TSPEAR: variants seen among roughly 807,000 people sequenced by gnomAD.
TSPEAR encodes thrombospondin type laminin G domain and EAR repeats.
Under a neutral mutation model 71.6 loss-of-function variants are expected in TSPEAR, and 69 were observed. The ratio of observed to expected loss-of-function variants is 0.96; its 90% confidence interval spans 0.79 to 1.18. The LOEUF (loss-of-function observed/expected upper bound fraction) is 1.18, where lower values mean the gene tolerates loss of function less well. TSPEAR is among the 50% of genes most tolerant of loss of function. The pLI is 0.00. For missense variants in TSPEAR, 971 were observed against 894.9 expected (o/e 1.09, Z -1.09); for synonymous variants, 402 against 387.2 (o/e 1.04, Z -0.45).
rs368391929 is a variant in TSPEAR, at chr21:44,499,769, G to T, written c.*14C>A. The T allele has an allele frequency of 6.5e-7, 1 of 1,548,622 alleles. No individual in the cohort carries two copies. On this transcript the variant is annotated 3_prime_UTR_variant, in exon 12 of 12. Coordinates refer to ENST00000323084, the MANE Select transcript of TSPEAR (RefSeq NM_144991.3). The stretch of plus-strand genomic sequence containing the variant: ...CCACCTGGCCACCCCAGTTGCTGCC[G>T]GGCAGCCGCGGCCTCAGCGTGTCCT...
At chr21:44,628,170 G>C (rs587769948) in intron 1 of TSPEAR, 6 of 1,288,178 alleles carry the variant, frequency 4.7e-6, no homozygotes, top group Non-Finnish European at 6.4e-6. Context: ...AGCCACAGCC[G>C]CCCAGCCCCG....
intron 1 of TSPEAR, among the ~76,000 whole-genome samples, chr21:44,682,432 C>G (rs1986650943): frequency 6.6e-6 from 1 of 152,222 alleles, no homozygotes; most frequent in Admixed American, 6.5e-5. Context: ...ATATCTGCCT[C>G]CCTTCGTTAG....
chr21:44,700,836 A>G (rs1987614314), intron 1 of TSPEAR, among the ~76,000 whole-genome samples: 1 of 152,214 alleles, frequency 6.6e-6, no homozygotes, highest in South Asian at 2.1e-4. Flanking sequence ...CCTGTTTTGA[A>G]CCACGTAATC....
At chr21:44,567,681 T>G in intron 2 of TSPEAR, 104 bp downstream of exon 2, 1 of 974,158 alleles carries the variant, frequency 1.0e-6, no homozygotes, top group Non-Finnish European at 1.4e-6. Context: ...ACCCAGAGAG[T>G]CCTTGACAAA....
chr21:44,704,236 C>T (rs769208867), intron 1 of TSPEAR, among the ~76,000 whole-genome samples: 28 of 162 alleles, frequency 0.17, no homozygotes, highest in Non-Finnish European at 0.3. Flanking sequence ...CCCCCTGCTT[C>T]CCTGGGTACC....
At position 44,579,685 on chromosome 21, in the gene TSPEAR, C is replaced by G; in HGVS notation, c.83-11680G>C. ...GGGCCCCGTCCCAAGCGGGGGCAAC[C>G]TCCTAACCCGAGTCAGGACCAGTTG... is the stretch of plus-strand genomic sequence containing the variant. On this transcript the variant is annotated intron_variant, in intron 1 of 11. Coordinates refer to ENST00000323084, the MANE Select transcript of TSPEAR (RefSeq NM_144991.3). 4.5e-6 allele frequency: 7 copies of G among 1,546,056 alleles called. No individual in the cohort carries two copies. In the South Asian group the frequency reaches 8.6e-5, roughly 19 times the overall value.
In TSPEAR at chr21:44,509,326, C is replaced by T. The variant is rs782330583; in HGVS notation, c.1627G>A (p.Ala543Thr). The change falls in exon 10 of 12, where the codon GCA becomes ACA. Residue 543 changes from alanine (A) to threonine (T), a missense_variant. Transcript: ENST00000323084. The stretch of plus-strand genomic sequence containing the variant: ...TCCACATCGTAGCTGTGACTGTTTG[C>T]CACAGCGAGGAAGATCCTCTCCCCG... Reference protein sequence around the residue: ...QIGERIFLAVANSHSYDVEMQ... With the variant: ...QIGERIFLAVTNSHSYDVEMQ... The T allele has an allele frequency of 1.2e-6, 2 of 1,613,936 alleles. No individual in the cohort carries two copies. The highest frequency in any genetic ancestry group is 1.3e-5 in the African/African-American group (1 of 74,990).
At chr21:44,685,649 G>A (rs1252492270) in intron 1 of TSPEAR, among the ~76,000 whole-genome samples, 1 of 152,196 alleles carries the variant, frequency 6.6e-6, no homozygotes, top group African/African-American at 2.4e-5. Flanking sequence ...CTCTGCAGAC[G>A]CCAACGTGGC....
At chr21:44,563,671 T>C (rs1248614441) in intron 2 of TSPEAR, among the ~76,000 whole-genome samples, 2 of 152,164 alleles carry the variant, frequency 1.3e-5, no homozygotes, top group Non-Finnish European at 2.9e-5. Flanking sequence ...TCAAGTACAG[T>C]TGATTTTCAT....
intron 2 of TSPEAR, among the ~76,000 whole-genome samples, chr21:44,548,834 CT>C (rs2053348336): frequency 6.6e-6 from 1 of 152,166 alleles, no homozygotes; most frequent in Admixed American, 6.5e-5. Flanking sequence ...TCCATGAACA[CT>C]CTGCACCAGC....
At chr21:44,549,884 G>C (rs1188880693) in intron 2 of TSPEAR, among the ~76,000 whole-genome samples, 1 of 152,210 alleles carries the variant, frequency 6.6e-6, no homozygotes, top group African/African-American at 2.4e-5. Flanking sequence ...TGTAAGCCTG[G>C]TGCAGGAACA....
chr21:44,580,674 AGGGCTGTG>A (rs1978911312), intron 1 of TSPEAR: 1 of 1,294,518 alleles, frequency 7.7e-7, no homozygotes. Flanking sequence ...TGAGGTGCTC[AGGGCTGTG>A]GGGCTTTTAA....
At chr21:44,513,789 G>GCACCCCTGGGGCTCCCT (rs2052470879) in intron 9 of TSPEAR, among the ~76,000 whole-genome samples, 1 of 152,184 alleles carries the variant, frequency 6.6e-6, no homozygotes, top group East Asian at 1.9e-4. Flanking sequence ...GAGGCAGGAT[G>GCACCCCTGGGGCTCCCT]CACCCCTGGG....
intron 9 of TSPEAR, chr21:44,509,810 TCTC>T (rs782777556): frequency 3.0e-4 from 65 of 216,384 alleles, no homozygotes; most frequent in Admixed American, 6.4e-4. Context: ...ATCCATGCCT[TCTC>T]CTACTCCAGG....
chr21:44,516,439 G>A (rs1241788863), intron 9 of TSPEAR: 1 of 152,450 alleles, frequency 6.6e-6, no homozygotes, highest in East Asian at 1.9e-4. Context: ...GGCGGCTTCT[G>A]GCCTCGCCTC....
At chr21:44,576,920 G>T (rs1555924066) in intron 1 of TSPEAR, among the ~76,000 whole-genome samples, 1 of 152,138 alleles carries the variant, frequency 6.6e-6, no homozygotes, top group Admixed American at 6.5e-5. Context: ...TCCTCAGGAG[G>T]GATGAAATCA....
chr21:44,529,969 A>G lies in TSPEAR; in HGVS notation c.634-15T>C, dbSNP rs782464985. The G allele has an allele frequency of 1.3e-5, 21 of 1,575,634 alleles. No individual in the cohort carries two copies. The Admixed American group carries it at 3.7e-4, about 28-fold the overall frequency. On this transcript the variant is annotated splice_polypyrimidine_tract_variant and intron_variant, in intron 4 of 11. Coordinates refer to ENST00000323084, the MANE Select transcript of TSPEAR (RefSeq NM_144991.3). ...CTCACCAGTCCCTGCAGAGAGAGGGACAGCTCCTTCAGGCCCGCGCTGCTG... is the reference window on the plus strand; with the variant it reads ...CTCACCAGTCCCTGCAGAGAGAGGGGCAGCTCCTTCAGGCCCGCGCTGCTG...
At chr21:44,689,740 T>TATATATATATATATATATATATATA (rs1555949490) in intron 1 of TSPEAR, among the ~76,000 whole-genome samples, 219 of 124,952 alleles carry the variant, frequency 1.8e-3, no homozygotes, top group African/African-American at 2.7e-3. Context: ...TATATATATA[T>TATATATATATATATATATATATATA]TTTGGGGGGG....
Position 44,642,841 on chromosome 21 carries a change from C to CA in TSPEAR, c.82+68591dup, listed in dbSNP as rs797024274. Among the ~76,000 whole-genome samples, 2,832 of 142,160 alleles carry CA rather than the reference C, an allele frequency of 0.02. 52 individuals carry two copies. The highest frequency in any genetic ancestry group is 0.06 in the Middle Eastern group (17 of 284). The allele number at this position is 142,160 out of a possible 152,430, so 93.3% of individuals were successfully genotyped here. On this transcript the variant is annotated intron_variant, in intron 1 of 11. Coordinates refer to ENST00000323084, the MANE Select transcript of TSPEAR (RefSeq NM_144991.3). The surrounding 1 kb of genome is among the most constrained non-coding windows in gnomAD (Gnocchi z 4.1). ...TGGGCAACAGAGCGAGACTCTATCT[C>CA]AAAAAAAAAAAATTAAAAACTTAAA...
Sources: allele counts gnomAD v4.1 joint callset (sites outside exome capture counted in the v4.1 genomes callset), GRCh38; gene constraint gnomAD v4.1.1; non-coding constraint Gnocchi (gnomAD v3.1); transcripts MANE v1.5; gene names NCBI Gene and HGNC (gene_info 2026-07-23, HGNC 2026-07-21).